Variants in ZFP3 observed in about 807,000 individuals in gnomAD.
The protein encoded by ZFP3 is zinc finger protein 3 homolog.
ZFP3 carries 18 observed loss-of-function variants against 36.7 expected under a neutral mutation model. That is an observed-to-expected ratio of 0.49 (90% CI 0.34 to 0.73). ZFP3 has a LOEUF of 0.73. Ranked by LOEUF, ZFP3 falls within the 30% of genes least tolerant of loss-of-function variation. The pLI is 0.01. For synonymous variants in ZFP3, 218 were observed against 199.0 expected, an observed-to-expected ratio of 1.10 and a Z score of -0.81; for missense variants, 495 against 599.0, an observed-to-expected ratio of 0.83 and a Z score of 1.81.
intron 1 of ZFP3, among the ~76,000 whole-genome samples, chr17:5,080,057 T>A (rs79256097): frequency 4.7e-5 from 7 of 149,874 alleles, no homozygotes; most frequent in South Asian, 4.2e-4. Flanking sequence ...AAAAAAAAAA[T>A]AGGTATCGTG....
chr17:5,092,073 T>C lies in ZFP3; in HGVS notation c.569T>C (p.Ile190Thr). The C allele has an allele frequency of 6.2e-7, 1 of 1,614,212 alleles. No homozygotes were observed. The highest frequency in any genetic ancestry group is 8.5e-7 in the Non-Finnish European group (1 of 1,180,042). Residue 190 changes from isoleucine (I) to threonine (T), a missense_variant, in exon 2 of 2, where the codon ATT (isoleucine) becomes ACT (threonine). By Grantham distance (89) the Ile-to-Thr change is moderately conservative. Coordinates refer to ENST00000318833, the MANE Select transcript of ZFP3 (RefSeq NM_153018.3). This position sits in a 1 kb window ranked among gnomAD's most constrained non-coding sequence, Gnocchi z 5.0. ...TCAAGCCTTCGACGGCACCTGAGAA[T>C]TCATGCTGGAGAAAAACCCTTTGCT... is the stretch of plus-strand genomic sequence containing the variant. ...TNSSLRRHLR[I>T]HAGEKPFACN...
intron 1 of ZFP3, 23 bp from the exon 2 acceptor site, chr17:5,091,474 C>T (rs1597907065): frequency 1.2e-6 from 2 of 1,604,324 alleles, no homozygotes; most frequent in Non-Finnish European, 1.7e-6. Flanking sequence ...GGTCCCTTCA[C>T]ATACTTACCT....
chr17:5,093,059 T>A lies in ZFP3; in HGVS notation c.*46T>A, dbSNP rs2143534977. The A allele has an allele frequency of 6.6e-7, 1 of 1,515,514 alleles. No individual in the cohort carries two copies. 93.9% of individuals were successfully genotyped at this position (1,515,514 alleles called of 1,614,324 possible). A position where few individuals can be genotyped will look rare whatever the true frequency, so the allele number is the denominator to read the frequency against. ...TTAGTGGAAAAGCTAAAGTCCAACT[T>A]ATTCATTTGTTCATAATATGCAAAT... On this transcript the variant is annotated 3_prime_UTR_variant, in exon 2 of 2. Coordinates refer to ENST00000318833, the MANE Select transcript of ZFP3 (RefSeq NM_153018.3).
chr17:5,086,929 C>T (rs754622790), intron 1 of ZFP3, among the ~76,000 whole-genome samples: 1 of 151,366 alleles, frequency 6.6e-6, no homozygotes, highest in Non-Finnish European at 1.5e-5. Flanking sequence ...GGAGTTTCAC[C>T]GTGTTAGCCA....
In ZFP3 at chr17:5,078,523, A is replaced by C. The variant is rs1235341991; in HGVS notation, c.-61A>C. 2.0e-5 allele frequency: 3 copies of C among 152,400 alleles called. No individual in the cohort carries two copies. Among genetic ancestry groups the C allele is most frequent in the African/African-American group, 7.2e-5 (3 of 41,566 alleles). 9.4% of individuals were successfully genotyped at this position (152,400 alleles called of 1,614,324 possible). On this transcript the variant is annotated 5_prime_UTR_variant, in exon 1 of 2. Transcript: ENST00000318833. The surrounding 1 kb of genome is among the most constrained non-coding windows in gnomAD (Gnocchi z 4.5). ...GCTGCGGGCTCTGTGCGAGCGGCCC[A>C]GCAGCGCGGAGCCTCAGCGGAGTGA...
In ZFP3 at chr17:5,093,124, C is replaced by T. The variant is rs1159060487; in HGVS notation, c.*111C>T. The stretch of plus-strand genomic sequence containing the variant: ...TTCAAATCCAATGAATGGACAGAAC[C>T]TCCTCTGTCCTCCCACTGATTTTAA... On this transcript the variant is annotated 3_prime_UTR_variant, in exon 2 of 2. Transcript: ENST00000318833. The T allele has an allele frequency of 1.1e-5, 12 of 1,116,218 alleles. No individual in the cohort carries two copies. The Admixed American group carries it at 2.7e-4, about 25-fold the overall frequency. The allele number at this position is 1,116,218 out of a possible 1,614,324, so 69.1% of individuals were successfully genotyped here.
intron 1 of ZFP3, among the ~76,000 whole-genome samples, chr17:5,088,476 C>CTT (rs71149522): frequency 2.3e-5 from 3 of 131,286 alleles, no homozygotes; most frequent in Non-Finnish European, 1.6e-5. Flanking sequence ...CTACTGCTTT[C>CTT]TTTTTTTTTT....
Position 5,094,756 on chromosome 17 carries a change from T to C in ZFP3, c.*1743T>C, listed in dbSNP as rs1386446835. The C allele has an allele frequency of 6.0e-6, 1 of 167,130 alleles. No homozygotes were observed. The highest frequency in any genetic ancestry group is 6.5e-5 in the Admixed American group (1 of 15,290). 10.4% of individuals were successfully genotyped at this position (167,130 alleles called of 1,614,324 possible). A position where few individuals can be genotyped will look rare whatever the true frequency, so the allele number is the denominator to read the frequency against. On this transcript the variant is annotated 3_prime_UTR_variant, in exon 2 of 2. Coordinates refer to ENST00000318833, the MANE Select transcript of ZFP3 (RefSeq NM_153018.3). The stretch of plus-strand genomic sequence containing the variant: ...GGCAGAGTGCCAGTTTACATTTTAA[T>C]TTTCACATCATTTCTATGATGTGGG...
Position 5,091,856 on chromosome 17 carries a change from T to C in ZFP3, c.352T>C (p.Ser118Pro). 1 of 1,614,190 alleles carries C rather than the reference T, an allele frequency of 6.2e-7. No homozygotes were observed. Among genetic ancestry groups the C allele is most frequent in the Non-Finnish European group, 8.5e-7 (1 of 1,180,042 alleles). ...AGAGGGAGTTAGTGCATTTGCTACC[T>C]CTGGCCAAAACTTCCTAGAGATTTT... The part of the protein sequence containing the change: ...TTEGVSAFAT[S>P]GQNFLEILES... The change falls in exon 2 of 2, where the codon TCT (serine) becomes CCT (proline). Residue 118 changes from serine to proline, a missense_variant. Physicochemically the swap from Ser to Pro is moderately conservative, Grantham distance 74. Around this residue, in one of 3 missense-constraint regions of ZFP3, gnomAD observed 229 missense variants for 233.8 expected, o/e 0.98. Coordinates refer to ENST00000318833, the MANE Select transcript of ZFP3 (RefSeq NM_153018.3).
chr17:5,089,469 G>A (rs1289236083), intron 1 of ZFP3, among the ~76,000 whole-genome samples: 1 of 152,166 alleles, frequency 6.6e-6, no homozygotes, highest in Non-Finnish European at 1.5e-5. Flanking sequence ...ATATGATCAT[G>A]TGGCCAATCC....
Position 5,091,562 on chromosome 17 carries a change from C to A in ZFP3, c.58C>A (p.Pro20Thr), listed in dbSNP as rs1327597141. 6.2e-7 allele frequency: 1 copy of A among 1,614,150 alleles called. No individual in the cohort carries two copies. The highest frequency in any genetic ancestry group is 8.5e-7 in the Non-Finnish European group (1 of 1,180,032). ...GGAAGAAATTTCTGAAGAATCTGAG[C>A]CACATGGGTCATTATTAGAAAAATT... ...PKEEISEESE[P>T]HGSLLEKFPK... Residue 20 changes from proline to threonine, a missense_variant, in exon 2 of 2, where the codon CCA (proline) becomes ACA (threonine). By Grantham distance (38) the Pro-to-Thr change is conservative. Coordinates refer to ENST00000318833, the MANE Select transcript of ZFP3 (RefSeq NM_153018.3).
chr17:5,090,408 C>A (rs1027325444), intron 1 of ZFP3, among the ~76,000 whole-genome samples: 2 of 152,172 alleles, frequency 1.3e-5, no homozygotes, highest in African/African-American at 4.8e-5. Context: ...AAGAATTATT[C>A]AGTAAATGGT....
In ZFP3 at chr17:5,094,360, C is replaced by CT. The variant is rs1293560977; in HGVS notation, c.*1350dup. ...AGCTACCATGCCCGGCCTTGAAATT[C>CT]TTTCTTCGCTATGTCTGCATGTTTT... is the stretch of plus-strand genomic sequence containing the variant. On this transcript the variant is annotated 3_prime_UTR_variant, in exon 2 of 2. Transcript: ENST00000318833. 1 of 167,110 alleles carries CT rather than the reference C, an allele frequency of 6.0e-6. No individual in the cohort carries two copies. The highest frequency in any genetic ancestry group is 2.4e-5 in the African/African-American group (1 of 41,470). The allele number at this position is 167,110 out of a possible 1,614,324, so 10.4% of individuals were successfully genotyped here.
rs945141603 is a variant in ZFP3, at chr17:5,091,639, C to T, written c.135C>T (p.Asp45=). 8 of 1,614,150 alleles carry T rather than the reference C, an allele frequency of 5.0e-6. No individual in the cohort carries two copies. Among genetic ancestry groups the T allele is most frequent in the Non-Finnish European group, 6.8e-6 (8 of 1,180,036 alleles). ...GHEFGAGCEE[D]MLEGHSRESM... ...AGTTTGGAGCAGGATGTGAAGAAGA[C>T]ATGTTGGAGGGACATTCGAGAGAGT... The change falls in exon 2 of 2, where the codon GAC becomes GAT. Residue 45 remains aspartate (D), a synonymous_variant. Coordinates refer to ENST00000318833, the MANE Select transcript of ZFP3 (RefSeq NM_153018.3).
rs200383630 is a variant in ZFP3 at position 5,092,515 on chromosome 17, T to C, written c.1011T>C (p.Tyr337=). The change falls in exon 2 of 2, where the codon TAT becomes TAC. Residue 337 remains tyrosine, a synonymous_variant. Coordinates refer to ENST00000318833, the MANE Select transcript of ZFP3 (RefSeq NM_153018.3). The surrounding 1 kb of genome is among the most constrained non-coding windows in gnomAD (Gnocchi z 5.0). ...HQRIHTGDKP[Y]ECNECGKTFG... The stretch of plus-strand genomic sequence containing the variant: ...GAATTCATACAGGGGACAAACCCTA[T>C]GAATGTAATGAATGTGGGAAAACTT... The C allele has an allele frequency of 1.1e-5, 18 of 1,614,168 alleles. No individual in the cohort carries two copies. Among genetic ancestry groups the C allele is most frequent in the Non-Finnish European group, 1.5e-5 (18 of 1,180,020 alleles).
At position 5,093,142 on chromosome 17, in the gene ZFP3, G is replaced by T; in HGVS notation, c.*129G>T. On this transcript the variant is annotated 3_prime_UTR_variant, in exon 2 of 2. Transcript: ENST00000318833. ...ACAGAACCTCCTCTGTCCTCCCACTGATTTTAAATAGTTGGTTGAAGAAGA... is the reference window on the plus strand; with the variant it reads ...ACAGAACCTCCTCTGTCCTCCCACTTATTTTAAATAGTTGGTTGAAGAAGA... 2.3e-5 allele frequency: 22 copies of T among 946,094 alleles called. No homozygotes were observed. Among genetic ancestry groups the T allele is most frequent in the South Asian group, 7.4e-5 (3 of 40,300 alleles). 58.6% of individuals were successfully genotyped at this position (946,094 alleles called of 1,614,324 possible). A position where few individuals can be genotyped will look rare whatever the true frequency, so the allele number is the denominator to read the frequency against.
At chr17:5,082,371 T>C (rs989612516) in intron 1 of ZFP3, among the ~76,000 whole-genome samples, 1 of 151,788 alleles carries the variant, frequency 6.6e-6, no homozygotes, top group Non-Finnish European at 1.5e-5. Flanking sequence ...TAAAATAAAA[T>C]AAATAAAGAC....
chr17:5,086,245 G>T (rs528923876), intron 1 of ZFP3, among the ~76,000 whole-genome samples: 2 of 152,240 alleles, frequency 1.3e-5, no homozygotes, highest in South Asian at 4.1e-4. Flanking sequence ...CAGGTGTCTG[G>T]GGAGGGGGGC....
chr17:5,082,015 C>T (rs1191551404), intron 1 of ZFP3, among the ~76,000 whole-genome samples: 1 of 148,522 alleles, frequency 6.7e-6, no homozygotes, highest in Non-Finnish European at 1.5e-5. Context: ...AGTTTGAGAC[C>T]AGCCTGGCCA....
Sources: gnomAD v4.1 joint callset for allele counts (sites outside exome capture counted in the v4.1 genomes callset) on GRCh38, gnomAD v4.1.1 for gene constraint, gnomAD v4.1.1 regional missense constraint, Gnocchi (gnomAD v3.1) non-coding constraint, MANE v1.5 for transcripts, NCBI Gene and HGNC (gene_info 2026-07-23, HGNC 2026-07-21) for gene names.